Variants in XAB2 observed in about 807,000 individuals in gnomAD.
XAB2 encodes XPA binding protein 2, also known as pre-mRNA-splicing factor SYF1.
Under a neutral mutation model 113.4 loss-of-function variants are expected in XAB2, and 57 were observed. The ratio of observed to expected loss-of-function variants is 0.50; its 90% CI spans 0.41 to 0.63. The LOEUF (loss-of-function observed/expected upper bound fraction) is 0.63, where lower values mean the gene tolerates loss of function less well. Ranked by LOEUF, XAB2 falls within the 20% of genes least tolerant of loss-of-function variation. XAB2 has a pLI of 0.00. For missense variants in XAB2, 1,037 were observed against 1,233.3 expected (o/e 0.84, Z 2.38); for synonymous variants, 497 against 498.8 (o/e 1.00, Z 0.05).
chr19:7,619,571 TGGGGG>T lies in XAB2; in HGVS notation c.*10_*14del. 2.7e-6 allele frequency: 1 copy of T among 377,246 alleles called. No individual in the cohort carries two copies. The highest frequency in any genetic ancestry group is 3.8e-6 in the Non-Finnish European group (1 of 262,662). The allele number at this position is 377,246 out of a possible 1,614,324, so 23.4% of individuals were successfully genotyped here. ...TTGGGGAGGGGGTGGGGAGGGGGGA[TGGGGG>T]AGGGACGGGTCAGTCTTCCTTCAGG... On this transcript the variant is annotated 3_prime_UTR_variant, in exon 19 of 19. Coordinates refer to ENST00000358368, the MANE Select transcript of XAB2 (RefSeq NM_020196.3).
intron 16 of XAB2, 64 bp downstream of exon 16, chr19:7,620,207 CGGAA>C: frequency 6.2e-7 from 1 of 1,604,018 alleles, no homozygotes. Context: ...CTCCCAGACC[CGGAA>C]AGCCCAGGTC....
chr19:7,622,844 T>C lies in XAB2; in HGVS notation c.1289A>G (p.Asp430Gly), dbSNP rs35275272. The C allele has an allele frequency of 5.2e-4, 840 of 1,613,960 alleles. 1 individual carries two copies. Among genetic ancestry groups the C allele is most frequent in the Non-Finnish European group, 6.3e-4 (749 of 1,179,986 alleles). ...KATKVNFKQV[D>G]DLASVWCQCG... ...CTGACACCACACGCTTGCCAGGTCA[T>C]CCACCTGCTTGAAGTTCACCTTGGT... is the stretch of plus-strand genomic sequence containing the variant. Residue 430 changes from aspartate to glycine, a missense_variant, in exon 10 of 19, where the codon GAT becomes GGT. Transcript: ENST00000358368.
At chr19:7,621,664 TCCCCATTTGTGTATCTGTATAATG>T in intron 12 of XAB2, 1 of 260,534 alleles carries the variant, frequency 3.8e-6, no homozygotes, top group Admixed American at 4.8e-5. Flanking sequence ...ATGTACGACC[TCCCCATTTGTGTATCTGTATAATG>T]CCCACACGAT....
rs769987423 is a variant in XAB2 at position 7,621,263 on chromosome 19, G to C, written c.1652C>G (p.Pro551Arg). The change falls in exon 13 of 19, where the codon CCC becomes CGC. Residue 551 changes from proline (P) to arginine (R), a missense_variant. Transcript: ENST00000358368. ...GGTGCTCCAGATGTCGGACACGTTG[G>C]GCCACTTGAACAGCGAGATGCCGCG... Reference protein sequence around the residue: ...YERGISLFKWPNVSDIWSTYL... With the variant: ...YERGISLFKWRNVSDIWSTYL... 3.1e-6 allele frequency: 5 copies of C among 1,613,042 alleles called. No individual in the cohort carries two copies. In the East Asian group the frequency reaches 8.9e-5, roughly 29 times the overall value.
chr19:7,620,932 AC>A lies in XAB2; in HGVS notation c.1884del (p.Gln628HisfsTer142). ...RATRAVEPAQ[Q>X]YDMFNIYIKR... The stretch of plus-strand genomic sequence containing the variant: ...TTGATGTAGATGTTGAACATGTCAT[AC>A]TGCTGGGCGGGCTCCACGGCCCTGG... On this transcript the variant is annotated frameshift_variant, in exon 14 of 19. Transcript: ENST00000358368. LOFTEE classifies it high-confidence loss of function. 6.3e-7 allele frequency: 1 copy of A among 1,597,138 alleles called. No homozygotes were observed. Among genetic ancestry groups the A allele is most frequent in the Non-Finnish European group, 8.5e-7 (1 of 1,173,770 alleles).
In XAB2 at chr19:7,619,525, T is replaced by G; in HGVS notation, c.*61A>C. ...GGCAGCAGGAAGGAGGCTCAGACCA[T>G]GATGTACAAACGTAGCTGTATTGGG... On this transcript the variant is annotated 3_prime_UTR_variant, in exon 19 of 19. Transcript: ENST00000358368. The G allele has an allele frequency of 9.1e-6, 12 of 1,325,602 alleles. No individual in the cohort carries two copies. The highest frequency in any genetic ancestry group is 1.2e-5 in the Non-Finnish European group (12 of 985,476). 82.1% of individuals were successfully genotyped at this position (1,325,602 alleles called of 1,614,324 possible).
chr19:7,623,670 G>A lies in XAB2; in HGVS notation c.1119+61C>T. The A allele has an allele frequency of 1.3e-6, 2 of 1,519,320 alleles. No individual in the cohort carries two copies. The highest frequency in any genetic ancestry group is 1.8e-6 in the Non-Finnish European group (2 of 1,138,756). 94.1% of individuals were successfully genotyped at this position (1,519,320 alleles called of 1,614,324 possible). On this transcript the variant is annotated intron_variant, in intron 8 of 18. Coordinates refer to ENST00000358368, the MANE Select transcript of XAB2 (RefSeq NM_020196.3). The surrounding 1 kb of genome is among the most constrained non-coding windows in gnomAD (Gnocchi z 4.6). The stretch of plus-strand genomic sequence containing the variant: ...GGTGACATTATGGGTGAAGGTGGGT[G>A]GCTCCCCAGTTCTGCAGGAAACTGG...
In XAB2 at chr19:7,624,343, C is replaced by A. The variant is rs753312004; in HGVS notation, c.925G>T (p.Ala309Ser). Residue 309 changes from alanine to serine, a missense_variant, in exon 7 of 19, where the codon GCA becomes TCA. Coordinates refer to ENST00000358368, the MANE Select transcript of XAB2 (RefSeq NM_020196.3). This position sits in a 1 kb window ranked among gnomAD's most constrained non-coding sequence, Gnocchi z 4.2. Reference sequence around the variant, plus strand: ...AGCTCCGAGGCGGTCTCCATCTTTGCAGCGATCATGCTCTCCTCGAACTGG... The same window carrying A: ...AGCTCCGAGGCGGTCTCCATCTTTGAAGCGATCATGCTCTCCTCGAACTGG... ...YAQFEESMIA[A>S]KMETASELGR... 6.2e-7 allele frequency: 1 copy of A among 1,614,136 alleles called. No individual in the cohort carries two copies. Among genetic ancestry groups the A allele is most frequent in the East Asian group, 2.2e-5 (1 of 44,876 alleles).
chr19:7,623,948 CT>C lies in XAB2; in HGVS notation c.968-67del. On this transcript the variant is annotated intron_variant, in intron 7 of 18. Transcript: ENST00000358368. This position sits in a 1 kb window ranked among gnomAD's most constrained non-coding sequence, Gnocchi z 4.6. Reference sequence around the variant, plus strand: ...GATGCAGGTCCCCGGATGCCACCGCCTCCACTCCCCACCCTCACTCCGCTCC... The same window carrying C: ...GATGCAGGTCCCCGGATGCCACCGCCCCACTCCCCACCCTCACTCCGCTCC... 6.8e-7 allele frequency: 1 copy of C among 1,471,550 alleles called. No homozygotes were observed. Among genetic ancestry groups the C allele is most frequent in the South Asian group, 1.3e-5 (1 of 74,932 alleles). The allele number at this position is 1,471,550 out of a possible 1,614,324, so 91.2% of individuals were successfully genotyped here.
At chr19:7,620,812 C>T (rs1417299464) in intron 14 of XAB2, 34 bp downstream of exon 14, 6 of 1,564,002 alleles carry the variant, frequency 3.8e-6, no homozygotes, top group Non-Finnish European at 5.2e-6. Flanking sequence ...GCTCAGGGAC[C>T]TCTGGCCCCG....
rs1333195652 is a variant in XAB2 at position 7,627,526 on chromosome 19, C to T, written c.325-86G>A. 3 of 1,530,844 alleles carry T rather than the reference C, an allele frequency of 2.0e-6. No individual in the cohort carries two copies. Among genetic ancestry groups the T allele is most frequent in the Non-Finnish European group, 2.7e-6 (3 of 1,126,460 alleles). The allele number at this position is 1,530,844 out of a possible 1,614,324, so 94.8% of individuals were successfully genotyped here. On this transcript the variant is annotated intron_variant, in intron 3 of 18. Transcript: ENST00000358368. The surrounding 1 kb of genome is among the most constrained non-coding windows in gnomAD (Gnocchi z 4.5). ...CACTCGATGTCCTGTGGCTGAGCCA[C>T]ACCTGGGGCCACCACATAAATGCGG...
Position 7,628,382 on chromosome 19 carries a change from CA to C in XAB2, c.52-85del. The C allele has an allele frequency of 6.4e-7, 1 of 1,562,358 alleles. No homozygotes were observed. The highest frequency in any genetic ancestry group is 8.7e-7 in the Non-Finnish European group (1 of 1,146,588). On this transcript the variant is annotated intron_variant, in intron 1 of 18. Transcript: ENST00000358368. The surrounding 1 kb of genome is among the most constrained non-coding windows in gnomAD (Gnocchi z 4.6). ...CCATCCCACTGCTGGGGCTCAGGTC[CA>C]AACTCCGGACTTTTACCTAGATCCC...
Position 7,622,757 on chromosome 19 carries a change from C to T in XAB2, c.1371+5G>A. The T allele has an allele frequency of 4.3e-6, 7 of 1,613,978 alleles. No homozygotes were observed. The highest frequency in any genetic ancestry group is 5.1e-6 in the Non-Finnish European group (6 of 1,180,014). On this transcript the variant is annotated splice_donor_5th_base_variant and intron_variant, in intron 10 of 18. Coordinates refer to ENST00000358368, the MANE Select transcript of XAB2 (RefSeq NM_020196.3). ...CCCCACCCCACAGCCTGGGCCTGTTCTCACTCGCAGCAGCCGCAAGGCCTC... is the reference window on the plus strand; with the variant it reads ...CCCCACCCCACAGCCTGGGCCTGTTTTCACTCGCAGCAGCCGCAAGGCCTC...
Position 7,623,024 on chromosome 19 carries a change from A to T in XAB2, c.1240-131T>A. The T allele has an allele frequency of 6.5e-7, 1 of 1,530,234 alleles. No homozygotes were observed. The highest frequency in any genetic ancestry group is 8.8e-7 in the Non-Finnish European group (1 of 1,135,366). 94.8% of individuals were successfully genotyped at this position (1,530,234 alleles called of 1,614,324 possible). On this transcript the variant is annotated intron_variant, in intron 9 of 18. Coordinates refer to ENST00000358368, the MANE Select transcript of XAB2 (RefSeq NM_020196.3). This position sits in a 1 kb window ranked among gnomAD's most constrained non-coding sequence, Gnocchi z 4.6. ...CACAGGCACACACACAGGCACACAC[A>T]TGCGTGCACATATGCATGCACCCAA...
chr19:7,627,627 C>T lies in XAB2; in HGVS notation c.324+101G>A. 5 of 1,560,454 alleles carry T rather than the reference C, an allele frequency of 3.2e-6. No individual in the cohort carries two copies. The East Asian group carries it at 9.0e-5, about 28-fold the overall frequency. On this transcript the variant is annotated intron_variant, in intron 3 of 18. Coordinates refer to ENST00000358368, the MANE Select transcript of XAB2 (RefSeq NM_020196.3). This position sits in a 1 kb window ranked among gnomAD's most constrained non-coding sequence, Gnocchi z 4.5. ...TGCAAAGAAGCAACAGGAATCCAAG[C>T]CCCCATCCCTAACATGCTGAGCCCA...
chr19:7,620,796 C>A lies in XAB2; in HGVS notation c.1971+50G>T, dbSNP rs768943607. On this transcript the variant is annotated intron_variant, in intron 14 of 18. Coordinates refer to ENST00000358368, the MANE Select transcript of XAB2 (RefSeq NM_020196.3). ...CCCCTCCCACCTGCCTGGACCCCTT[C>A]CGTCTGCTCAGGGACCTCTGGCCCC... 2.6e-5 allele frequency: 41 copies of A among 1,564,174 alleles called. No individual in the cohort carries two copies. The East Asian group carries it at 9.3e-4, about 36-fold the overall frequency.
Position 7,624,964 on chromosome 19 carries a change from G to A in XAB2, c.823-519C>T, listed in dbSNP as rs970978283. ...GGGTCTTGCCCTGCTGCCTCCGACA[G>A]CCTTGGCCTACACGTGCCCCTGGAA... is the stretch of plus-strand genomic sequence containing the variant. On this transcript the variant is annotated intron_variant, in intron 6 of 18. Transcript: ENST00000358368. This position sits in a 1 kb window ranked among gnomAD's most constrained non-coding sequence, Gnocchi z 4.2. Among the ~76,000 whole-genome samples the A allele has an allele frequency of 1.2e-4, 18 of 152,188 alleles. No individual in the cohort carries two copies. Among genetic ancestry groups the A allele is most frequent in the African/African-American group, 4.1e-4 (17 of 41,464 alleles).
At position 7,628,824 on chromosome 19, in the gene XAB2, G is replaced by C. The variant is rs2031196948; in HGVS notation, c.52-526C>G. Among the ~76,000 whole-genome samples the C allele has an allele frequency of 6.6e-6, 1 of 152,134 alleles. No individual in the cohort carries two copies. The highest frequency in any genetic ancestry group is 6.5e-5 in the Admixed American group (1 of 15,270). The stretch of plus-strand genomic sequence containing the variant: ...TTCCAAGCCACTAGCCCCGCCCCCA[G>C]GATCCCACTAGCCAGCGTCTAGCTC... On this transcript the variant is annotated intron_variant, in intron 1 of 18. Coordinates refer to ENST00000358368, the MANE Select transcript of XAB2 (RefSeq NM_020196.3). The surrounding 1 kb of genome is among the most constrained non-coding windows in gnomAD (Gnocchi z 4.6).
intron 17 of XAB2, 40 bp from the exon 18 acceptor site, chr19:7,619,896 C>T: frequency 6.2e-7 from 1 of 1,609,620 alleles, no homozygotes; most frequent in South Asian, 1.1e-5. Flanking sequence ...CCACCCCGGG[C>T]CCCCTTGGGA....
Sources: allele counts gnomAD v4.1 joint callset (sites outside exome capture counted in the v4.1 genomes callset), GRCh38; gene constraint gnomAD v4.1.1; non-coding constraint Gnocchi (gnomAD v3.1); transcripts MANE v1.5; gene names NCBI Gene and HGNC (gene_info 2026-07-23, HGNC 2026-07-21).